Variants in ZNF124 observed in about 807,000 individuals in gnomAD.
ZNF124 encodes zinc finger protein 124.
ZNF124 carries 25 observed loss-of-function variants against 26.6 expected under a neutral mutation model. That is an observed-to-expected ratio of 0.94 (90% confidence interval 0.68 to 1.31). The LOEUF is 1.31. Ranked by LOEUF, ZNF124 falls within the 40% of genes most tolerant of loss-of-function variation. The pLI, the probability that ZNF124 is intolerant of heterozygous loss-of-function variation, is 0.00. For synonymous variants in ZNF124, 129 were observed against 133.3 expected, an observed-to-expected ratio of 0.97 and a Z score of 0.22; for missense variants, 444 against 422.2, an observed-to-expected ratio of 1.05 and a Z score of -0.45.
At chr1:247,142,398 T>C (rs965594267) in intron 3 of ZNF124, among the ~76,000 whole-genome samples, 2 of 152,356 alleles carry the variant, frequency 1.3e-5, no homozygotes, top group African/African-American at 4.8e-5. Flanking sequence ...ATAAGACATC[T>C]GATGTCTTTT....
chr1:247,143,545 T>C (rs1672683084), intron 3 of ZNF124, among the ~76,000 whole-genome samples: 2 of 152,210 alleles, frequency 1.3e-5, no homozygotes, highest in South Asian at 4.1e-4. Flanking sequence ...ACTGGAAGTT[T>C]TTGACAGAAG....
At chr1:247,141,250 T>TAA (rs963813591) in intron 3 of ZNF124, among the ~76,000 whole-genome samples, 14 of 151,844 alleles carry the variant, frequency 9.2e-5, no homozygotes, top group African/African-American at 2.9e-4. Flanking sequence ...ATAAGGCACT[T>TAA]ATGGTATTTG....
chr1:247,133,937 G>A (rs6676585), intron 3 of ZNF124, among the ~76,000 whole-genome samples: 7,734 of 152,202 alleles, frequency 0.051, 240 homozygotes, highest in African/African-American at 0.078. Context: ...ATAGGCATGA[G>A]CCACGGCGCC....
At chr1:247,144,206 G>A (rs1465487179) in intron 3 of ZNF124, among the ~76,000 whole-genome samples, 2 of 152,012 alleles carry the variant, frequency 1.3e-5, no homozygotes, top group African/African-American at 4.8e-5. Context: ...CGGGTTTCGG[G>A]TAGCTATCCC....
chr1:247,153,208 A>AT (rs1038147136), downstream of ZNF124, among the ~76,000 whole-genome samples: 3 of 152,008 alleles, frequency 2.0e-5, no homozygotes, highest in Admixed American at 6.6e-5. Context: ...ATGTTACTTG[A>AT]TTTTTTTCAA....
At position 247,133,092 on chromosome 1, in the gene ZNF124, A is replaced by T. The variant is rs571179792; in HGVS notation, c.219-9221T>A. Among the ~76,000 whole-genome samples, 6 of 152,334 alleles carry T rather than the reference A, an allele frequency of 3.9e-5. No homozygotes were observed. In the East Asian group the frequency reaches 1.2e-3, roughly 29 times the overall value. ...TGGACCTGAAAAACACAGCATGAGA[A>T]CTTCATGAAGCACACACAAGTATCA... On this transcript the variant is annotated intron_variant, in intron 3 of 3. Transcript: ENST00000472531.
chr1:247,168,974 T>C lies in ZNF124; in HGVS notation c.30+2874A>G, dbSNP rs1480231076. ...ATCCTTGTAACCAAAAACCACCTGC[T>C]ACCCCAAATGTATTGATATAACATT... On this transcript the variant is annotated intron_variant, in intron 1 of 3. Coordinates refer to ENST00000543802, the MANE Select transcript of ZNF124 (RefSeq NM_001297568.2). The surrounding 1 kb of genome is among the most constrained non-coding windows in gnomAD (Gnocchi z 4.0). Among the ~76,000 whole-genome samples, 1 of 152,160 alleles carries C rather than the reference T, an allele frequency of 6.6e-6. No homozygotes were observed. The highest frequency in any genetic ancestry group is 1.5e-5 in the Non-Finnish European group (1 of 68,032).
At chr1:247,141,085 A>G (rs1379176724) in intron 3 of ZNF124, among the ~76,000 whole-genome samples, 1 of 149,736 alleles carries the variant, frequency 6.7e-6, no homozygotes, top group African/African-American at 2.5e-5. Context: ...CCGGTTAGCA[A>G]TTGCTAAGTG....
At chr1:247,132,493 T>C (rs968147166) in intron 3 of ZNF124, among the ~76,000 whole-genome samples, 3 of 152,072 alleles carry the variant, frequency 2.0e-5, no homozygotes, top group Admixed American at 1.3e-4. Context: ...AAAACTACAA[T>C]GAACTAAAGG....
exon 4 of ZNF124, chr1:247,122,862 G>A (rs1047676922): frequency 3.9e-5 from 6 of 152,260 alleles, no homozygotes; most frequent in African/African-American, 1.4e-4. Flanking sequence ...TGGTGGCCAC[G>A]TGGTTGAGTT....
At position 247,156,863 on chromosome 1, in the gene ZNF124, T is replaced by C. The variant is rs769251230; in HGVS notation, c.759A>G (p.Ile253Met). 12 of 1,614,192 alleles carry C rather than the reference T, an allele frequency of 7.4e-6. No homozygotes were observed. The highest frequency in any genetic ancestry group is 1.0e-5 in the Non-Finnish European group (12 of 1,180,046). ...FSCLSSLQGHIKAHAGEEPYP... is the reference protein window; with the variant it reads ...FSCLSSLQGHMKAHAGEEPYP... ...AGGGTTCTTCACCAGCATGAGCCTTTATATGTCCTTGCAAGGAACTGAGAC... is the reference window on the plus strand; with the variant it reads ...AGGGTTCTTCACCAGCATGAGCCTTCATATGTCCTTGCAAGGAACTGAGAC... Residue 253 changes from isoleucine (I) to methionine (M), a missense_variant, in exon 4 of 4, where the codon ATA (isoleucine) becomes ATG (methionine). Physicochemically the swap from Ile to Met is conservative, Grantham distance 10. Coordinates refer to ENST00000543802, the MANE Select transcript of ZNF124 (RefSeq NM_001297568.2).
intron 3 of ZNF124, among the ~76,000 whole-genome samples, chr1:247,135,143 C>T (rs1231571068): frequency 6.6e-6 from 1 of 151,442 alleles, no homozygotes; most frequent in Non-Finnish European, 1.5e-5. Context: ...CATCAGAAAG[C>T]TAGAAGCAAG....
At position 247,158,951 on chromosome 1, in the gene ZNF124, T is replaced by C. The variant is rs1673313684; in HGVS notation, c.218+55A>G. ...GCCTTGTTTGCTTTAAACATATGAT[T>C]ATATACTACAATTGACCCCAAGGGG... On this transcript the variant is annotated intron_variant, in intron 3 of 3. Transcript: ENST00000543802. 49 of 1,520,448 alleles carry C rather than the reference T, an allele frequency of 3.2e-5. No homozygotes were observed. The South Asian group carries it at 5.6e-4, about 17-fold the overall frequency. The allele number at this position is 1,520,448 out of a possible 1,614,324, so 94.2% of individuals were successfully genotyped here.
At chr1:247,158,066 A>G (rs912518197) in intron 3 of ZNF124, among the ~76,000 whole-genome samples, 1 of 152,136 alleles carries the variant, frequency 6.6e-6, no homozygotes, top group African/African-American at 2.4e-5. Context: ...CCTGGCCAAC[A>G]TGGTGAAATG....
chr1:247,155,462 T>TAACC lies in ZNF124; in HGVS notation c.*1100_*1103dup, dbSNP rs1673072998. 6.6e-6 allele frequency among the ~76,000 whole-genome samples: 1 copy of TAACC among 152,144 alleles called. No homozygotes were observed. Among genetic ancestry groups the TAACC allele is most frequent in the African/African-American group, 2.4e-5 (1 of 41,424 alleles). On this transcript the variant is annotated 3_prime_UTR_variant, in exon 4 of 4. Coordinates refer to ENST00000543802, the MANE Select transcript of ZNF124 (RefSeq NM_001297568.2). Reference sequence around the variant, plus strand: ...AGAAATACATTTCAATTTACCCATATAACCAACACACTTTAAAATGGGTAG... The same window carrying TAACC: ...AGAAATACATTTCAATTTACCCATATAACCAACCAACACACTTTAAAATGGGTAG...
intron 3 of ZNF124, among the ~76,000 whole-genome samples, chr1:247,149,445 C>G (rs932768345): frequency 1.3e-5 from 2 of 152,262 alleles, no homozygotes; most frequent in African/African-American, 4.8e-5. Context: ...CGGAAACAAC[C>G]TAAATGCTCA....
intron 3 of ZNF124, among the ~76,000 whole-genome samples, chr1:247,129,604 A>G (rs534834285): frequency 2.3e-3 from 1 of 434 alleles, no homozygotes. Context: ...GGGAGGGTGG[A>G]CATTGAGTAC....
At chr1:247,153,099 C>G (rs1314352867), downstream of ZNF124, among the ~76,000 whole-genome samples, 1 of 150,878 alleles carries the variant, frequency 6.6e-6, no homozygotes, top group Non-Finnish European at 1.5e-5. Context: ...CGCCACTGCA[C>G]TCCAGCCTGG....
intron 3 of ZNF124, among the ~76,000 whole-genome samples, chr1:247,133,734 A>G (rs961112830): frequency 6.7e-6 from 1 of 149,404 alleles, no homozygotes; most frequent in Non-Finnish European, 1.5e-5. Context: ...GCTCACTGCA[A>G]CCTCCACCTC....
Sources: gnomAD v4.1 joint callset for allele counts (sites outside exome capture counted in the v4.1 genomes callset) on GRCh38, gnomAD v4.1.1 for gene constraint, Gnocchi (gnomAD v3.1) non-coding constraint, MANE v1.5 for transcripts, NCBI Gene and HGNC (gene_info 2026-07-23, HGNC 2026-07-21) for gene names.